The following QSOX2 variants were observed in gnomAD, a reference collection of about 807,000 sequenced individuals.
QSOX2 encodes the protein sulfhydryl oxidase 2.
Under a neutral mutation model 61.7 loss-of-function variants are expected in QSOX2, and 46 were observed. The ratio of observed to expected loss-of-function variants is 0.75; its 90% CI spans 0.59 to 0.95. The LOEUF (loss-of-function observed/expected upper bound fraction) is 0.95, where lower values mean the gene tolerates loss of function less well. QSOX2 is among the 40% of genes least tolerant of loss of function. The pLI, the probability that QSOX2 is intolerant of heterozygous loss-of-function variation, is 0.00. For synonymous variants in QSOX2, 383 were observed against 388.4 expected (o/e 0.99, Z 0.16); for missense variants, 879 against 918.9 (o/e 0.96, Z 0.56).
chr9:136,215,404 T>G, intron 9 of QSOX2, 100 bp from the exon 10 acceptor site: 16 of 506,874 alleles, frequency 3.2e-5, no homozygotes, highest in East Asian at 6.9e-5. Context: ...GGGTGGATAA[T>G]GGGGGTGTGG....
intron 2 of QSOX2, among the ~76,000 whole-genome samples, chr9:136,225,957 C>A (rs980404677): frequency 9.9e-5 from 15 of 152,262 alleles, no homozygotes; most frequent in Admixed American, 1.3e-4. Context: ...GTGTGCGACA[C>A]AGGCCCCGAG....
At chr9:136,217,486 G>A (rs964059464) in intron 8 of QSOX2, among the ~76,000 whole-genome samples, 1 of 152,248 alleles carries the variant, frequency 6.6e-6, no homozygotes, top group Non-Finnish European at 1.5e-5. Context: ...CTTCAGCTCA[G>A]TCCAATATAT....
Position 136,207,364 on chromosome 9 carries a change from TAC to T in QSOX2, c.*1362_*1363del, listed in dbSNP as rs58474709. The T allele has an allele frequency of 0.23, 32,868 of 144,860 alleles. 3,873 individuals carry two copies. Among genetic ancestry groups the T allele is most frequent in the Non-Finnish European group, 0.28 (18,682 of 66,246 alleles). The allele number at this position is 144,860 out of a possible 1,614,324, so 9.0% of individuals were successfully genotyped here. On this transcript the variant is annotated 3_prime_UTR_variant, in exon 12 of 12. Transcript: ENST00000358701. ...ACCGTCAAAGTCTCTCTCTCTCTCA[TAC>T]ACACACACACACACACACACACACA...
At chr9:136,226,903 T>C (rs760379442) in intron 1 of QSOX2, 29 bp from the exon 2 acceptor site, 3 of 1,588,422 alleles carry the variant, frequency 1.9e-6, no homozygotes, top group African/African-American at 1.3e-5. Flanking sequence ...ACCTTCAGTG[T>C]GGTGAGCACT....
At chr9:136,219,619 C>T (rs1303197611) in intron 6 of QSOX2, among the ~76,000 whole-genome samples, 2 of 152,080 alleles carry the variant, frequency 1.3e-5, no homozygotes, top group African/African-American at 4.8e-5. Flanking sequence ...GAGCTCCCTG[C>T]GTGCCCACCC....
chr9:136,235,180 G>A (rs575859104), intron 1 of QSOX2, among the ~76,000 whole-genome samples: 39 of 152,366 alleles, frequency 2.6e-4, no homozygotes, highest in Non-Finnish European at 4.4e-4. Flanking sequence ...GAGATGCCAA[G>A]GAAGATCCAT....
chr9:136,218,929 A>G, intron 7 of QSOX2, 101 bp downstream of exon 7: 7 of 1,571,008 alleles, frequency 4.5e-6, no homozygotes, highest in Non-Finnish European at 6.1e-6. Context: ...AGCGGCCCTC[A>G]CTGGCTGGGG....
Position 136,224,005 on chromosome 9 carries a change from A to G in QSOX2, c.584+2T>C. ...GGCCGCCTTCTTCATGGAGCTACTC[A>G]CTGAATGGGGTCTAGGCGCGGGCAG... On this transcript the variant is annotated splice_donor_variant, in intron 4 of 11. Coordinates refer to ENST00000358701, the MANE Select transcript of QSOX2 (RefSeq NM_181701.4). LOFTEE classifies it high-confidence loss of function. 6.2e-7 allele frequency: 1 copy of G among 1,612,292 alleles called. No individual in the cohort carries two copies. Among genetic ancestry groups the G allele is most frequent in the Non-Finnish European group, 8.5e-7 (1 of 1,178,552 alleles).
intron 2 of QSOX2, among the ~76,000 whole-genome samples, chr9:136,225,522 C>T (rs374219160): frequency 7.2e-5 from 11 of 152,208 alleles, no homozygotes; most frequent in East Asian, 3.8e-4. Flanking sequence ...GCACTGCAGC[C>T]GCCAGGGAAA....
chr9:136,219,236 C>A, intron 6 of QSOX2, 72 bp from the exon 7 acceptor site: 1 of 1,545,676 alleles, frequency 6.5e-7, no homozygotes, highest in South Asian at 1.2e-5. Flanking sequence ...CCGTGGCATT[C>A]AGGACAGCTC....
rs551883412 is a variant in QSOX2 at position 136,238,781 on chromosome 9, G to A, written c.328+6695C>T. Among the ~76,000 whole-genome samples, 9 of 152,350 alleles carry A rather than the reference G, an allele frequency of 5.9e-5. No homozygotes were observed. The South Asian group carries it at 8.3e-4, about 14-fold the overall frequency. ...GTTGCTCAGGAAGAAGACAAGCACC[G>A]TTTACTGAGCCTGCATCTGCCTGCT... On this transcript the variant is annotated intron_variant, in intron 1 of 11. Transcript: ENST00000358701.
intron 7 of QSOX2, 93 bp from the exon 8 acceptor site, chr9:136,218,901 C>T (rs1395045028): frequency 9.6e-6 from 15 of 1,564,804 alleles, no homozygotes; most frequent in Non-Finnish European, 1.3e-5. Context: ...ACTCCCAGGG[C>T]CCCTGGGAGG....
Position 136,209,084 on chromosome 9 carries a change from C to T in QSOX2, c.1741G>A (p.Gly581Arg). 1 of 1,614,196 alleles carries T rather than the reference C, an allele frequency of 6.2e-7. No homozygotes were observed. Among genetic ancestry groups the T allele is most frequent in the Non-Finnish European group, 8.5e-7 (1 of 1,180,040 alleles). ...TCCTCACCCCTGGCCAGGGTTCCTC[C>T]TTCACTGGAATCCCCCTGGTCTGCG... ...YSADQGDSSE[G>R]GTLARGEEEE... Residue 581 changes from glycine to arginine, a missense_variant, in exon 12 of 12, where the codon GGA becomes AGA. Transcript: ENST00000358701. The surrounding 1 kb of genome is among the most constrained non-coding windows in gnomAD (Gnocchi z 5.6).
intron 1 of QSOX2, among the ~76,000 whole-genome samples, chr9:136,231,034 G>T (rs368314149): frequency 1.3e-5 from 2 of 152,196 alleles, no homozygotes; most frequent in East Asian, 3.8e-4. Flanking sequence ...AAAAGCCTCC[G>T]ACCGGCCTTG....
At chr9:136,235,254 C>T (rs1469118798) in intron 1 of QSOX2, among the ~76,000 whole-genome samples, 2 of 152,244 alleles carry the variant, frequency 1.3e-5, no homozygotes, top group Non-Finnish European at 2.9e-5. Flanking sequence ...GCACACCCCC[C>T]GGAGGAGGGC....
chr9:136,211,703 G>C (rs1438121562), intron 10 of QSOX2, among the ~76,000 whole-genome samples: 1 of 152,244 alleles, frequency 6.6e-6, no homozygotes, highest in South Asian at 2.1e-4. Flanking sequence ...ATGCTCCCCA[G>C]ATGCCCTGGT....
intron 8 of QSOX2, among the ~76,000 whole-genome samples, chr9:136,217,533 T>A (rs527923635): frequency 6.6e-6 from 1 of 152,284 alleles, no homozygotes; most frequent in African/African-American, 2.4e-5. Context: ...CATGATTAAT[T>A]TACCAGAATC....
At chr9:136,237,341 C>A (rs1297810779) in intron 1 of QSOX2, among the ~76,000 whole-genome samples, 10 of 136,638 alleles carry the variant, frequency 7.3e-5, no homozygotes, top group Admixed American at 2.1e-4. Context: ...TCTGGGCCGG[C>A]GTCACTTGGA....
In QSOX2 at chr9:136,223,254, G is replaced by A. The variant is rs1042774880; in HGVS notation, c.675+509C>T. On this transcript the variant is annotated intron_variant, in intron 5 of 11. Coordinates refer to ENST00000358701, the MANE Select transcript of QSOX2 (RefSeq NM_181701.4). The surrounding 1 kb of genome is among the most constrained non-coding windows in gnomAD (Gnocchi z 4.4). ...AGACTGTCAGCAATAATGACTCTCC[G>A]TGAGCTGCCCCTGCACCTGGTCCCT... Among the ~76,000 whole-genome samples, 1 of 152,172 alleles carries A rather than the reference G, an allele frequency of 6.6e-6. No individual in the cohort carries two copies. The highest frequency in any genetic ancestry group is 1.5e-5 in the Non-Finnish European group (1 of 68,032).
Sources: allele counts gnomAD v4.1 joint callset (sites outside exome capture counted in the v4.1 genomes callset), GRCh38; gene constraint gnomAD v4.1.1; non-coding constraint Gnocchi (gnomAD v3.1); transcripts MANE v1.5; gene names NCBI Gene and HGNC (gene_info 2026-07-23, HGNC 2026-07-21).